The following ROBO2 variants were observed in gnomAD, a reference collection of about 807,000 sequenced individuals.
The protein encoded by ROBO2 is roundabout guidance receptor 2.
ROBO2 carries 53 observed loss-of-function variants against 160.8 expected under a neutral mutation model. That is an observed-to-expected ratio of 0.33 (90% confidence interval 0.26 to 0.41). The LOEUF (loss-of-function observed/expected upper bound fraction) is 0.41. Among genes scored for constraint, ROBO2 ranks in the 10% least tolerant of loss-of-function variants. The pLI, the probability that ROBO2 is intolerant of heterozygous loss-of-function variation, is 1.00. For synonymous variants in ROBO2, 664 were observed against 611.7 expected, an observed-to-expected ratio of 1.09 and a Z score of -1.26; for missense variants, 1,577 against 1,722.4, an observed-to-expected ratio of 0.92 and a Z score of 1.49.
intron 2 of ROBO2, among the ~76,000 whole-genome samples, chr3:75,947,402 T>C (rs1164500992): frequency 1.3e-5 from 2 of 152,120 alleles, no homozygotes; most frequent in Non-Finnish European, 2.9e-5. Flanking sequence ...TGCCTGTTTT[T>C]GTATGGCTCA....
chr3:77,101,630 T>C (rs2071944788), intron 2 of ROBO2, among the ~76,000 whole-genome samples: 1 of 152,118 alleles, frequency 6.6e-6, no homozygotes. Context: ...CAGTAATATT[T>C]AGTGGTGGTC....
chr3:76,401,152 C>G (rs566075859), intron 2 of ROBO2, among the ~76,000 whole-genome samples: 2 of 151,638 alleles, frequency 1.3e-5, no homozygotes, highest in East Asian at 3.9e-4. Context: ...AGGTGCACAG[C>G]TCAGTCATCA....
intron 2 of ROBO2, among the ~76,000 whole-genome samples, chr3:76,693,685 G>A (rs916602836): frequency 4.6e-5 from 7 of 152,100 alleles, no homozygotes; most frequent in African/African-American, 1.7e-4. Context: ...CTCTCAGCCT[G>A]AGGCCAAAGC....
chr3:77,601,752 G>A (rs1226071119), intron 19 of ROBO2, among the ~76,000 whole-genome samples: 2 of 152,176 alleles, frequency 1.3e-5, no homozygotes, highest in Non-Finnish European at 2.9e-5. Context: ...TTCATAGTCG[G>A]TATAGTATAA....
intron 2 of ROBO2, among the ~76,000 whole-genome samples, chr3:76,642,988 T>C: frequency 6.6e-6 from 1 of 152,188 alleles, no homozygotes; most frequent in East Asian, 1.9e-4. Context: ...TTACTAATAA[T>C]GTATTTTATT....
chr3:75,986,184 C>T (rs2065407895), intron 2 of ROBO2, among the ~76,000 whole-genome samples: 2 of 150,206 alleles, frequency 1.3e-5, no homozygotes, highest in African/African-American at 2.4e-5. Flanking sequence ...CAGTTTCCCA[C>T]ATTCTTGCCA....
intron 2 of ROBO2, among the ~76,000 whole-genome samples, chr3:76,604,358 C>T (rs2087472992): frequency 6.6e-6 from 1 of 152,086 alleles, no homozygotes; most frequent in African/African-American, 2.4e-5. Flanking sequence ...CTTTAATGTT[C>T]AATTAATAAA....
chr3:77,108,323 T>TGCATATATATATATGTATACACATAC (rs1280103257), intron 2 of ROBO2, among the ~76,000 whole-genome samples: 1 of 146,002 alleles, frequency 6.8e-6, no homozygotes, highest in Non-Finnish European at 1.5e-5. Context: ...TATACACATA[T>TGCATATATATATATGTATACACATAC]GCATATATAT....
At chr3:77,262,263 T>A (rs2058825262) in intron 2 of ROBO2, among the ~76,000 whole-genome samples, 2 of 152,168 alleles carry the variant, frequency 1.3e-5, no homozygotes, top group Admixed American at 1.3e-4. Context: ...TGGAAACACA[T>A]CAGAGGAGCT....
chr3:77,618,361 A>G (rs1209310036), intron 22 of ROBO2, among the ~76,000 whole-genome samples: 5 of 152,162 alleles, frequency 3.3e-5, no homozygotes, highest in Non-Finnish European at 7.4e-5. Context: ...AAAATTTCAC[A>G]TTTCTTTTTC....
At chr3:76,384,420 A>T (rs965343344) in intron 2 of ROBO2, among the ~76,000 whole-genome samples, 2 of 152,168 alleles carry the variant, frequency 1.3e-5, no homozygotes, top group African/African-American at 4.8e-5. Context: ...AATATTTCAA[A>T]ACAAAAAAGC....
chr3:76,347,100 T>C (rs1192980834), intron 2 of ROBO2, among the ~76,000 whole-genome samples: 1 of 152,142 alleles, frequency 6.6e-6, no homozygotes, highest in Non-Finnish European at 1.5e-5. Flanking sequence ...CAGTCCTTGC[T>C]GGGAATTAGA....
chr3:77,385,595 G>A (rs377039984), intron 2 of ROBO2, among the ~76,000 whole-genome samples: 1 of 152,178 alleles, frequency 6.6e-6, no homozygotes. Context: ...TGATATATCC[G>A]AGGAAGTCCT....
chr3:77,527,553 T>C lies in ROBO2; in HGVS notation c.934+4651T>C, dbSNP rs556570703. 89 of 566,096 alleles carry C rather than the reference T, an allele frequency of 1.6e-4. No homozygotes were observed. In the South Asian group the frequency reaches 2.7e-3, roughly 17 times the overall value. The allele number at this position is 566,096 out of a possible 1,614,324, so 35.1% of individuals were successfully genotyped here. On this transcript the variant is annotated intron_variant, in intron 6 of 25. Transcript: ENST00000461745. ...ACTTGAGACTGTATGCTGTAAAAGT[T>C]GCTCATGTTTTTTTTACTCACTTTG...
chr3:77,532,052 T>C (rs1293751215), intron 6 of ROBO2, among the ~76,000 whole-genome samples: 1 of 152,172 alleles, frequency 6.6e-6, no homozygotes, highest in Non-Finnish European at 1.5e-5. Flanking sequence ...GTTTCCATAA[T>C]GTGAAACGTT....
intron 2 of ROBO2, among the ~76,000 whole-genome samples, chr3:76,621,150 A>T (rs1370726156): frequency 2.0e-5 from 3 of 151,366 alleles, no homozygotes; most frequent in Admixed American, 6.6e-5. Context: ...TTTTTCAGGC[A>T]AGGGAATAAT....
At chr3:76,798,397 C>A (rs1460740258) in intron 2 of ROBO2, among the ~76,000 whole-genome samples, 1 of 151,068 alleles carries the variant, frequency 6.6e-6, no homozygotes, top group African/African-American at 2.5e-5. Flanking sequence ...AAACTGAATT[C>A]AACAACACCC....
chr3:76,709,019 T>TA (rs1211212553), intron 2 of ROBO2, among the ~76,000 whole-genome samples: 1 of 152,150 alleles, frequency 6.6e-6, no homozygotes, highest in East Asian at 1.9e-4. Flanking sequence ...ACTCAAAAGG[T>TA]CAATATAGAT....
intron 2 of ROBO2, among the ~76,000 whole-genome samples, chr3:76,628,814 C>T (rs1211287364): frequency 6.6e-6 from 1 of 152,154 alleles, no homozygotes; most frequent in Admixed American, 6.5e-5. Context: ...TTTGTAGTCT[C>T]ACAGAATTTC....
Sources: gnomAD v4.1 joint callset for allele counts (sites outside exome capture counted in the v4.1 genomes callset) on GRCh38, gnomAD v4.1.1 for gene constraint, MANE v1.5 for transcripts, NCBI Gene and HGNC (gene_info 2026-07-23, HGNC 2026-07-21) for gene names.